Variants in ZNF557 observed in about 807,000 individuals in gnomAD.
ZNF557 encodes CTB-25J19.9.
ZNF557 carries 19 observed loss-of-function variants against 21.2 expected under a neutral mutation model. The ratio of observed to expected loss-of-function variants is 0.90; its 90% CI spans 0.63 to 1.32. The LOEUF (loss-of-function observed/expected upper bound fraction) is 1.32. ZNF557 is among the 40% of genes most tolerant of loss of function. The probability of loss-of-function intolerance (pLI) is 0.00; values close to 1 mark genes in which losing one functional copy is unlikely to be tolerated. For synonymous variants in ZNF557, 207 were observed against 194.8 expected (o/e 1.06, Z -0.52); for missense variants, 487 against 519.8 (o/e 0.94, Z 0.61).
chr19:7,081,830 A>G, intron 6 of ZNF557, 140 bp from the exon 7 acceptor site: 1 of 639,162 alleles, frequency 1.6e-6, no homozygotes, highest in Non-Finnish European at 2.8e-6. Flanking sequence ...TCACACCCAT[A>G]TCTCTTTCAC....
At chr19:7,079,342 C>T (rs1281658547) in intron 5 of ZNF557, among the ~76,000 whole-genome samples, 7 of 150,820 alleles carry the variant, frequency 4.6e-5, no homozygotes, top group Admixed American at 6.6e-5. Context: ...CCCAGGTTCA[C>T]GCCATTCTCC....
chr19:7,076,115 T>C (rs906311017), intron 4 of ZNF557, among the ~76,000 whole-genome samples: 3 of 152,142 alleles, frequency 2.0e-5, no homozygotes, highest in African/African-American at 7.2e-5. Flanking sequence ...GGAAATAAGA[T>C]CATAGGAGCT....
intron 2 of ZNF557, among the ~76,000 whole-genome samples, chr19:7,073,150 TTTTTTTG>T (rs1977498960): frequency 2.3e-5 from 1 of 43,122 alleles, no homozygotes; most frequent in Non-Finnish European, 5.2e-5. Flanking sequence ...TTTTTTTGGT[TTTTTTTG>T]TTTTTTTTTT....
intron 5 of ZNF557, among the ~76,000 whole-genome samples, chr19:7,079,432 A>AT (rs1343307885): frequency 6.6e-6 from 1 of 151,196 alleles, no homozygotes; most frequent in Admixed American, 6.6e-5. Context: ...TAGTAGAGAC[A>AT]GGGTTCACCG....
At position 7,085,378 on chromosome 19, in the gene ZNF557, GCT is replaced by G. The variant is rs1448332067; in HGVS notation, c.*1638_*1639del. On this transcript the variant is annotated 3_prime_UTR_variant, in exon 8 of 8. Transcript: ENST00000252840. ...GGGGATTCACCATGTTTCCCAGGCT[GCT>G]CTCAAACTCCTGGGCTCAAGTGATC... The G allele has an allele frequency of 6.6e-6, 1 of 152,032 alleles. No homozygotes were observed. The highest frequency in any genetic ancestry group is 1.9e-4 in the East Asian group (1 of 5,194). 9.4% of individuals were successfully genotyped at this position (152,032 alleles called of 1,614,324 possible). A position where few individuals can be genotyped will look rare whatever the true frequency, so the allele number is the denominator to read the frequency against.
chr19:7,083,005 G>A lies in ZNF557; in HGVS notation c.554G>A (p.Cys185Tyr). Residue 185 changes from cysteine to tyrosine, a missense_variant, in exon 8 of 8, where the codon TGT (cysteine) becomes TAT (tyrosine). Coordinates refer to ENST00000252840, the MANE Select transcript of ZNF557 (RefSeq NM_024341.3). ...GAAAGACCCTATGGCTGCAGTGAAT[G>A]TGGGAAATCCTACAGCAGTAGATCT... ...TGERPYGCSE[C>Y]GKSYSSRSYL... 1 of 1,614,184 alleles carries A rather than the reference G, an allele frequency of 6.2e-7. No individual in the cohort carries two copies. The highest frequency in any genetic ancestry group is 1.1e-5 in the South Asian group (1 of 91,086).
At chr19:7,082,742 C>G (rs961131972) in intron 7 of ZNF557, 136 bp from the exon 8 acceptor site, 4 of 758,754 alleles carry the variant, frequency 5.3e-6, no homozygotes, top group Non-Finnish European at 8.0e-6. Context: ...AGCCATGTAC[C>G]AGCACTCATG....
intron 5 of ZNF557, among the ~76,000 whole-genome samples, chr19:7,078,203 C>T (rs988660207): frequency 6.6e-5 from 10 of 152,158 alleles, no homozygotes; most frequent in African/African-American, 2.2e-4. Context: ...TGGCTTGCGG[C>T]CTCCATGGTT....
At chr19:7,071,843 C>T (rs1451760353) in intron 2 of ZNF557, among the ~76,000 whole-genome samples, 3 of 141,280 alleles carry the variant, frequency 2.1e-5, no homozygotes, top group Non-Finnish European at 4.6e-5. Flanking sequence ...TGGTGGCTCA[C>T]GCCTGTAATC....
At chr19:7,074,837 A>C in intron 2 of ZNF557, among the ~76,000 whole-genome samples, 159 bp from the exon 3 acceptor site, 1 of 59,288 alleles carries the variant, frequency 1.7e-5, no homozygotes, top group Non-Finnish European at 2.9e-5. Flanking sequence ...AGAGGGGGTG[A>C]CCGAGGCAGG....
rs920302823 is a variant in ZNF557 at position 7,087,510 on chromosome 19, C to G, written c.*3766C>G. 1 of 147,936 alleles carries G rather than the reference C, an allele frequency of 6.8e-6. No homozygotes were observed. Among genetic ancestry groups the G allele is most frequent in the Non-Finnish European group, 1.5e-5 (1 of 67,272 alleles). 9.2% of individuals were successfully genotyped at this position (147,936 alleles called of 1,614,324 possible). ...CAAGGTTGACCCACTGCACTCCAGC[C>G]TGGGCAACAAGAGCAAAACTCCATC... On this transcript the variant is annotated 3_prime_UTR_variant, in exon 8 of 8. Transcript: ENST00000252840.
Position 7,087,339 on chromosome 19 carries a change from G to A in ZNF557, c.*3595G>A, listed in dbSNP as rs542688566. The A allele has an allele frequency of 2.0e-5, 3 of 151,052 alleles. No homozygotes were observed. Among genetic ancestry groups the A allele is most frequent in the East Asian group, 2.0e-4 (1 of 5,116 alleles). The allele number at this position is 151,052 out of a possible 1,614,324, so 9.4% of individuals were successfully genotyped here. A position where few individuals can be genotyped will look rare whatever the true frequency, so the allele number is the denominator to read the frequency against. On this transcript the variant is annotated 3_prime_UTR_variant, in exon 8 of 8. Coordinates refer to ENST00000252840, the MANE Select transcript of ZNF557 (RefSeq NM_024341.3). ...GCGGATCACCTGAGGTGGGGAGTTC[G>A]AGACCAGCCTGATCAACATGGAGAA...
At position 7,074,329 on chromosome 19, in the gene ZNF557, TATACAC is replaced by T. The variant is rs762349320; in HGVS notation, c.-79-665_-79-660del. ...CCAGCCGCTTTCATCTTTGTGTGTA[TATACAC>T]ACACACACACACACACACACACAGC... On this transcript the variant is annotated intron_variant, in intron 2 of 7. Coordinates refer to ENST00000252840, the MANE Select transcript of ZNF557 (RefSeq NM_024341.3). Among the ~76,000 whole-genome samples, 181 of 147,178 alleles carry T rather than the reference TATACAC, an allele frequency of 1.2e-3. 3 individuals are homozygous for T. Among genetic ancestry groups the T allele is most frequent in the Middle Eastern group, 6.8e-3 (2 of 292 alleles).
In ZNF557 at chr19:7,083,406, C is replaced by T. The variant is rs942617679; in HGVS notation, c.955C>T (p.Pro319Ser). 6.2e-7 allele frequency: 1 copy of T among 1,613,986 alleles called. No individual in the cohort carries two copies. Among genetic ancestry groups the T allele is most frequent in the African/African-American group, 1.3e-5 (1 of 74,890 alleles). Reference sequence around the variant, plus strand: ...CTATAGCATTCATACAGGGGAGTACCCTTACGAATGCCACGATTGTGGGAG... The same window carrying T: ...CTATAGCATTCATACAGGGGAGTACTCTTACGAATGCCACGATTGTGGGAG... ...SHYSIHTGEY[P>S]YECHDCGRTF... The change falls in exon 8 of 8, where the codon CCT becomes TCT. Residue 319 changes from proline (P) to serine (S), a missense_variant. Physicochemically the swap from Pro to Ser is moderately conservative, Grantham distance 74. Transcript: ENST00000252840.
At position 7,075,056 on chromosome 19, in the gene ZNF557, T is replaced by C; in HGVS notation, c.-19T>C. 1 of 1,614,078 alleles carries C rather than the reference T, an allele frequency of 6.2e-7. No homozygotes were observed. The highest frequency in any genetic ancestry group is 1.1e-5 in the South Asian group (1 of 91,074). ...AGCGTCCTGCTTCCCGGCTGCCCTG[T>C]TGCTGTCGGAGTCACAGGATGGCGG... On this transcript the variant is annotated 5_prime_UTR_variant, in exon 3 of 8. Transcript: ENST00000252840.
In ZNF557 at chr19:7,083,383, A is replaced by G. The variant is rs1436812853; in HGVS notation, c.932A>G (p.Tyr311Cys). The G allele has an allele frequency of 2.5e-6, 4 of 1,614,252 alleles. No individual in the cohort carries two copies. The highest frequency in any genetic ancestry group is 3.4e-6 in the Non-Finnish European group (4 of 1,180,052). Residue 311 changes from tyrosine (Y) to cysteine (C), a missense_variant, in exon 8 of 8, where the codon TAT becomes TGT. Transcript: ENST00000252840. ...FGTRSSLSSH[Y>C]SIHTGEYPYE... Reference sequence around the variant, plus strand: ...ACGAGGTCATCTCTTTCTTCGCACTATAGCATTCATACAGGGGAGTACCCT... The same window carrying G: ...ACGAGGTCATCTCTTTCTTCGCACTGTAGCATTCATACAGGGGAGTACCCT...
chr19:7,075,471 G>A (rs1217302599), intron 3 of ZNF557, among the ~76,000 whole-genome samples, 184 bp from the exon 4 acceptor site: 1 of 152,136 alleles, frequency 6.6e-6, no homozygotes, highest in African/African-American at 2.4e-5. Context: ...GATGCGGCAG[G>A]GCCATGCTCT....
rs1319945988 is a variant in ZNF557, at chr19:7,083,212, A to C, written c.761A>C (p.His254Pro). 1 of 1,614,240 alleles carries C rather than the reference A, an allele frequency of 6.2e-7. No homozygotes were observed. The highest frequency in any genetic ancestry group is 1.3e-5 in the African/African-American group (1 of 75,054). The change falls in exon 8 of 8, where the codon CAC becomes CCC. Residue 254 changes from histidine to proline, a missense_variant. His to Pro is a moderately conservative substitution (Grantham distance 77). Transcript: ENST00000252840. ...TFSNSSYLRP[H>P]LRIHTGEKPY... is the part of the protein sequence containing the mutation. The stretch of plus-strand genomic sequence containing the variant: ...AGCAATTCCTCATACCTCAGACCGC[A>C]CTTGAGAATTCACACTGGAGAAAAA...
chr19:7,083,053 T>C lies in ZNF557; in HGVS notation c.602T>C (p.Ile201Thr). The change falls in exon 8 of 8, where the codon ATC becomes ACC. Residue 201 changes from isoleucine to threonine, a missense_variant. Physicochemically the swap from Ile to Thr is moderately conservative, Grantham distance 89. Coordinates refer to ENST00000252840, the MANE Select transcript of ZNF557 (RefSeq NM_024341.3). ...TCTTACCTTGCTGTTCATAAGAGAA[T>C]CCACAATGGGGAGAAACCCTATGAA... ...SRSYLAVHKR[I>T]HNGEKPYECN... 6.2e-7 allele frequency: 1 copy of C among 1,614,060 alleles called. No individual in the cohort carries two copies. The highest frequency in any genetic ancestry group is 8.5e-7 in the Non-Finnish European group (1 of 1,179,966).
Sources: gnomAD v4.1 joint callset for allele counts (sites outside exome capture counted in the v4.1 genomes callset) on GRCh38, gnomAD v4.1.1 for gene constraint, MANE v1.5 for transcripts, NCBI Gene and HGNC (gene_info 2026-07-23, HGNC 2026-07-21) for gene names.